FUT9: variants seen among roughly 807,000 people sequenced by gnomAD.
The protein encoded by FUT9 is 4-galactosyl-N-acetylglucosaminide 3-alpha-L-fucosyltransferase 9.
In FUT9, 15 loss-of-function variants were observed where a neutral mutation model predicts 29.7. The observed-to-expected ratio is 0.51, with a 90% CI of 0.34 to 0.78. FUT9 has a LOEUF of 0.78. Among genes scored for constraint, FUT9 ranks in the 30% least tolerant of loss-of-function variants. FUT9 has a pLI of 0.01. For missense variants in FUT9, 319 were observed against 425.4 expected, an observed-to-expected ratio of 0.75 and a Z score of 2.20; for synonymous variants, 169 against 153.7, an observed-to-expected ratio of 1.10 and a Z score of -0.74.
At chr6:96,018,197 A>G (rs1341035257) in intron 1 of FUT9, among the ~76,000 whole-genome samples, 3 of 152,116 alleles carry the variant, frequency 2.0e-5, no homozygotes, top group African/African-American at 4.8e-5. Flanking sequence ...CATTTGGGTA[A>G]CATTAGGGTG....
At chr6:96,091,579 C>T (rs1582223180) in intron 1 of FUT9, among the ~76,000 whole-genome samples, 1 of 152,058 alleles carries the variant, frequency 6.6e-6, no homozygotes, top group East Asian at 1.9e-4. Flanking sequence ...GAGGAATGCC[C>T]TTTTTCTAAG....
intron 1 of FUT9, among the ~76,000 whole-genome samples, chr6:96,053,524 C>T (rs529203275): frequency 3.2e-4 from 48 of 152,122 alleles, no homozygotes; most frequent in African/African-American, 1.1e-3. Context: ...CTGGCTAGCA[C>T]GGTGAAAACC....
rs190071347 is a variant in FUT9, at chr6:96,048,097, C to A, written c.-98+31885C>A. ...TTTTCAAAGTCAGCAAGTTTCATTGCCCTGACCCTTCTTCTATAGATACGT... is the reference window on the plus strand; with the variant it reads ...TTTTCAAAGTCAGCAAGTTTCATTGACCTGACCCTTCTTCTATAGATACGT... On this transcript the variant is annotated intron_variant, in intron 1 of 2. Transcript: ENST00000302103. Among the ~76,000 whole-genome samples the A allele has an allele frequency of 1.3e-3, 198 of 152,236 alleles. 1 individual carries two copies. Among genetic ancestry groups the A allele is most frequent in the Admixed American group, 2.4e-3 (37 of 15,284 alleles).
At chr6:96,133,642 A>G (rs377257675) in intron 2 of FUT9, among the ~76,000 whole-genome samples, 1 of 151,896 alleles carries the variant, frequency 6.6e-6, no homozygotes, top group African/African-American at 2.4e-5. Flanking sequence ...TCATACATTG[A>G]ACTTACTGCC....
chr6:96,033,680 A>G (rs1414966587), intron 1 of FUT9, among the ~76,000 whole-genome samples: 1 of 151,710 alleles, frequency 6.6e-6, no homozygotes, highest in African/African-American at 2.4e-5. Flanking sequence ...TAATTTTTTC[A>G]AACTAAACAA....
chr6:96,135,443 G>T (rs1485423324), intron 2 of FUT9, among the ~76,000 whole-genome samples: 3 of 151,912 alleles, frequency 2.0e-5, no homozygotes, highest in Admixed American at 6.6e-5. Flanking sequence ...GAATGGCAAG[G>T]TTTGCACCTT....
intron 1 of FUT9, among the ~76,000 whole-genome samples, chr6:96,069,875 C>T (rs1280498352): frequency 1.3e-5 from 2 of 152,014 alleles, no homozygotes; most frequent in African/African-American, 4.8e-5. Flanking sequence ...TCGTAACTTA[C>T]CCTCCTCGGC....
At chr6:96,091,233 T>C (rs1390323788) in intron 1 of FUT9, among the ~76,000 whole-genome samples, 3 of 152,114 alleles carry the variant, frequency 2.0e-5, no homozygotes, top group Admixed American at 6.6e-5. Flanking sequence ...TATTTACGTA[T>C]TCTTCCCATA....
In FUT9 at chr6:96,126,256, G is replaced by A. The variant is rs551095371; in HGVS notation, c.-9+12129G>A. Among the ~76,000 whole-genome samples, 5 of 152,286 alleles carry A rather than the reference G, an allele frequency of 3.3e-5. No homozygotes were observed. In the East Asian group the frequency reaches 9.7e-4, roughly 29 times the overall value. ...CCAGTATCTGCTCAGCTTCTGGTGAGGTCTCAGGAAGCTTTTATTCATGGA... is the reference window on the plus strand; with the variant it reads ...CCAGTATCTGCTCAGCTTCTGGTGAAGTCTCAGGAAGCTTTTATTCATGGA... On this transcript the variant is annotated intron_variant, in intron 2 of 2. Coordinates refer to ENST00000302103, the MANE Select transcript of FUT9 (RefSeq NM_006581.4).
chr6:96,122,053 T>G (rs1483371216), intron 2 of FUT9, among the ~76,000 whole-genome samples: 25 of 152,068 alleles, frequency 1.6e-4, no homozygotes, highest in Admixed American at 1.6e-3. Context: ...TTTAGTAAAG[T>G]GATGGTCTGT....
At chr6:96,029,587 G>T (rs550292698) in intron 1 of FUT9, among the ~76,000 whole-genome samples, 4 of 151,706 alleles carry the variant, frequency 2.6e-5, no homozygotes, top group Admixed American at 2.6e-4. Context: ...AGTACACTCT[G>T]TTTCTAGGTA....
chr6:96,046,243 A>ACACC, intron 1 of FUT9, among the ~76,000 whole-genome samples: 1 of 148,616 alleles, frequency 6.7e-6, no homozygotes, highest in Admixed American at 6.7e-5. Context: ...ACACACACAC[A>ACACC]CCCCTGAAGC....
In FUT9 at chr6:96,105,325, CA is replaced by C. The variant is rs1282181247; in HGVS notation, c.-97-8713del. 2.6e-5 allele frequency among the ~76,000 whole-genome samples: 4 copies of C among 152,122 alleles called. No individual in the cohort carries two copies. The South Asian group carries it at 8.3e-4, about 32-fold the overall frequency. Reference sequence around the variant, plus strand: ...ACTATTGTATTTAATATAGAAATTGCAGTTAAAATTGGAGTGGACTCTTTTT... The same window carrying C: ...ACTATTGTATTTAATATAGAAATTGCGTTAAAATTGGAGTGGACTCTTTTT... On this transcript the variant is annotated intron_variant, in intron 1 of 2. Coordinates refer to ENST00000302103, the MANE Select transcript of FUT9 (RefSeq NM_006581.4).
chr6:96,203,932 T>C lies in FUT9; in HGVS notation c.777T>C (p.Asn259=), dbSNP rs150246632. 2.6e-5 allele frequency: 42 copies of C among 1,610,422 alleles called. No homozygotes were observed. The African/African-American group carries it at 4.4e-4, about 17-fold the overall frequency. ...ATTACATCACGGAAAAGCTATACAA[T>C]GCTTTTCTGGCTGGCTCTGTACCTG... ...HKDYITEKLY[N]AFLAGSVPVV... Residue 259 remains asparagine, a synonymous_variant, in exon 3 of 3, where the codon AAT becomes AAC. Coordinates refer to ENST00000302103, the MANE Select transcript of FUT9 (RefSeq NM_006581.4).
At chr6:96,167,576 T>A (rs2127982048) in intron 2 of FUT9, among the ~76,000 whole-genome samples, 1 of 152,352 alleles carries the variant, frequency 6.6e-6, no homozygotes, top group South Asian at 2.1e-4. Flanking sequence ...ACACTTCAGA[T>A]GAGCAAAGCA....
intron 1 of FUT9, among the ~76,000 whole-genome samples, chr6:96,070,616 A>G (rs1243583219): frequency 6.6e-6 from 1 of 152,042 alleles, no homozygotes; most frequent in Non-Finnish European, 1.5e-5. Flanking sequence ...GAGCCTGGGG[A>G]GCAGAGGTTA....
intron 1 of FUT9, among the ~76,000 whole-genome samples, chr6:96,035,885 GTT>G (rs1770353341): frequency 1.1e-5 from 1 of 90,444 alleles, no homozygotes; most frequent in Non-Finnish European, 2.3e-5. Context: ...AATACATTAT[GTT>G]TATTATATTA....
intron 2 of FUT9, among the ~76,000 whole-genome samples, chr6:96,121,725 T>A (rs970512942): frequency 1.3e-5 from 2 of 152,134 alleles, no homozygotes; most frequent in African/African-American, 4.8e-5. Flanking sequence ...TCATGTCACT[T>A]TTGTACTCTA....
intron 1 of FUT9, among the ~76,000 whole-genome samples, chr6:96,025,346 C>T (rs942512901): frequency 2.0e-5 from 3 of 151,696 alleles, no homozygotes; most frequent in African/African-American, 7.3e-5. Flanking sequence ...ATTTAGCTTG[C>T]AATGACCTCC....
Sources: allele counts gnomAD v4.1 joint callset (sites outside exome capture counted in the v4.1 genomes callset), GRCh38; gene constraint gnomAD v4.1.1; transcripts MANE v1.5; gene names NCBI Gene and HGNC (gene_info 2026-07-23, HGNC 2026-07-21).